Variants in STXBP6 observed in about 807,000 individuals in gnomAD.
STXBP6 encodes the protein syntaxin-binding protein 6.
STXBP6 carries 21 observed loss-of-function variants against 26.9 expected under a neutral mutation model. That is an observed-to-expected ratio of 0.78 (90% CI 0.55 to 1.12). The LOEUF is 1.12. Among genes scored for constraint, STXBP6 ranks in the 50% most tolerant of loss-of-function variants. The pLI is 0.00. For synonymous variants in STXBP6, 97 were observed against 92.6 expected (o/e 1.05, Z -0.27); for missense variants, 232 against 257.9 (o/e 0.90, Z 0.69).
chr14:25,022,711 C>T (rs569873953), intron 1 of STXBP6, among the ~76,000 whole-genome samples: 5 of 152,258 alleles, frequency 3.3e-5, no homozygotes, highest in Admixed American at 3.3e-4. Flanking sequence ...ATCTCTAGTT[C>T]CAATCCTCCT....
At position 24,974,812 on chromosome 14, in the gene STXBP6, C is replaced by T; in HGVS notation, c.7G>A (p.Ala3Thr). Residue 3 changes from alanine to threonine, a missense_variant, in exon 2 of 6, where the codon GCC becomes ACC. By Grantham distance (58) the Ala-to-Thr change is moderately conservative. Coordinates refer to ENST00000323944, the MANE Select transcript of STXBP6 (RefSeq NM_001394410.1). Reference sequence around the variant, plus strand: ...ATTTCCTTGCTGATAGCAGATTTGGCACTCATTGTAGAACAAGTGAGGACA... The same window carrying T: ...ATTTCCTTGCTGATAGCAGATTTGGTACTCATTGTAGAACAAGTGAGGACA... MS[A>T]KSAISKEIFA... 6.2e-7 allele frequency: 1 copy of T among 1,606,998 alleles called. No homozygotes were observed. The highest frequency in any genetic ancestry group is 8.5e-7 in the Non-Finnish European group (1 of 1,176,110).
chr14:25,008,832 ATCTAACAAC>A (rs2074964671), intron 1 of STXBP6, among the ~76,000 whole-genome samples: 1 of 152,254 alleles, frequency 6.6e-6, no homozygotes, highest in South Asian at 2.1e-4. Flanking sequence ...AAGCAGTAGC[ATCTAACAAC>A]TCACAGAAGA....
At chr14:24,814,000 C>A (rs1056158120) in intron 5 of STXBP6, among the ~76,000 whole-genome samples, 1 of 152,178 alleles carries the variant, frequency 6.6e-6, no homozygotes, top group Non-Finnish European at 1.5e-5. Context: ...GCTTGGGAAA[C>A]CTCAGCTGAA....
intron 1 of STXBP6, among the ~76,000 whole-genome samples, chr14:25,043,028 C>T (rs1485967611): frequency 2.6e-5 from 4 of 152,188 alleles, no homozygotes; most frequent in South Asian, 2.1e-4. Flanking sequence ...ACTAAAATGT[C>T]GATCACAGTC....
At chr14:24,978,252 T>C (rs144530821) in intron 1 of STXBP6, among the ~76,000 whole-genome samples, 2 of 152,330 alleles carry the variant, frequency 1.3e-5, no homozygotes, top group African/African-American at 4.8e-5. Context: ...AATCCTGGGA[T>C]CTGTATTTTA....
intron 3 of STXBP6, among the ~76,000 whole-genome samples, chr14:24,856,634 T>C (rs1220643427): frequency 6.6e-6 from 1 of 152,012 alleles, no homozygotes; most frequent in Non-Finnish European, 1.5e-5. Flanking sequence ...TACTGAAAGA[T>C]ACCATTCATT....
intron 1 of STXBP6, among the ~76,000 whole-genome samples, chr14:25,013,936 A>AT (rs1190279444): frequency 2.6e-5 from 4 of 152,062 alleles, no homozygotes; most frequent in East Asian, 1.9e-4. Flanking sequence ...TTGTTAGAGA[A>AT]TTTTTTTAGT....
chr14:24,856,094 G>A lies in STXBP6; in HGVS notation c.293C>T (p.Ala98Val), dbSNP rs2069323594. 2 of 1,593,780 alleles carry A rather than the reference G, an allele frequency of 1.3e-6. No homozygotes were observed. Among genetic ancestry groups the A allele is most frequent in the Non-Finnish European group, 8.5e-7 (1 of 1,172,820 alleles). Residue 98 changes from alanine to valine, a missense_variant, in exon 4 of 6, where the codon GCA becomes GTA. Coordinates refer to ENST00000323944, the MANE Select transcript of STXBP6 (RefSeq NM_001394410.1). ...VNGIDPNGDS[A>V]EFDLLFENAF... ...ATTTTCAAACAACAAATCAAACTCT[G>A]CCGAATCCTGGAAAAGACAATGAAA...
intron 3 of STXBP6, 103 bp downstream of exon 3, chr14:24,856,924 C>A: frequency 7.4e-7 from 1 of 1,357,654 alleles, no homozygotes; most frequent in South Asian, 1.6e-5. Flanking sequence ...AGAGAAATAG[C>A]CTTCTTAAGA....
intron 2 of STXBP6, among the ~76,000 whole-genome samples, chr14:24,955,022 G>T (rs1306528239): frequency 6.6e-6 from 1 of 152,234 alleles, no homozygotes; most frequent in African/African-American, 2.4e-5. Context: ...GAGGGTTGTA[G>T]AAGGATTAAG....
rs898269810 is a variant in STXBP6 at position 24,811,249 on chromosome 14, A to C, written c.*1460T>G. On this transcript the variant is annotated 3_prime_UTR_variant, in exon 6 of 6. Transcript: ENST00000323944. ...TAGGAGAACTTCAGCTATTTAAATC[A>C]GTATTAACAATCCAAAAGTCATCTT... 2 of 152,148 alleles carry C rather than the reference A, an allele frequency of 1.3e-5. No individual in the cohort carries two copies. The highest frequency in any genetic ancestry group is 4.8e-5 in the African/African-American group (2 of 41,436). 9.4% of individuals were successfully genotyped at this position (152,148 alleles called of 1,614,324 possible).
At chr14:24,963,340 G>A (rs1452030832) in intron 2 of STXBP6, among the ~76,000 whole-genome samples, 2 of 152,174 alleles carry the variant, frequency 1.3e-5, no homozygotes, top group African/African-American at 2.4e-5. Flanking sequence ...AAGGAATGAA[G>A]GCCAGGTATA....
intron 2 of STXBP6, among the ~76,000 whole-genome samples, chr14:24,923,451 C>G (rs78344146): frequency 6.6e-6 from 1 of 152,102 alleles, no homozygotes; most frequent in South Asian, 2.1e-4. Flanking sequence ...TGTTTCCTTA[C>G]GAACTTGTCA....
rs2140538659 is a variant in STXBP6, at chr14:25,049,929, G to C, written c.-84C>G. ...GTGCCAGTGCGCGGCACGCGTCCCA[G>C]AGCACGAGGCTCCTCCCCGGGGGGC... On this transcript the variant is annotated 5_prime_UTR_variant, in exon 1 of 6. Transcript: ENST00000323944. This position sits in a 1 kb window ranked among gnomAD's most constrained non-coding sequence, Gnocchi z 5.6. 1 of 965,512 alleles carries C rather than the reference G, an allele frequency of 1.0e-6. No homozygotes were observed. Among genetic ancestry groups the C allele is most frequent in the Non-Finnish European group, 1.2e-6 (1 of 811,966 alleles). 59.8% of individuals were successfully genotyped at this position (965,512 alleles called of 1,614,324 possible).
intron 2 of STXBP6, among the ~76,000 whole-genome samples, chr14:24,950,076 T>C (rs2140049336): frequency 6.6e-6 from 1 of 152,342 alleles, no homozygotes; most frequent in African/African-American, 2.4e-5. Flanking sequence ...AAATTTAGTC[T>C]ATCTAAAATC....
At chr14:24,921,755 C>A (rs1422574510) in intron 2 of STXBP6, among the ~76,000 whole-genome samples, 1 of 152,090 alleles carries the variant, frequency 6.6e-6, no homozygotes, top group East Asian at 1.9e-4. Context: ...AGGAAATTGT[C>A]CCCCTCTGCC....
rs190759168 is a variant in STXBP6 at position 24,812,105 on chromosome 14, C to G, written c.*604G>C. On this transcript the variant is annotated 3_prime_UTR_variant, in exon 6 of 6. Transcript: ENST00000323944. ...ATTCTGATTTTTTTTTTTTTTTGAA[C>G]GCTGGTGATGGTTCATGCAAAAGAT... is the stretch of plus-strand genomic sequence containing the variant. 7.1e-6 allele frequency: 1 copy of G among 141,514 alleles called. No individual in the cohort carries two copies. Among genetic ancestry groups the G allele is most frequent in the Non-Finnish European group, 1.5e-5 (1 of 65,996 alleles). The allele number at this position is 141,514 out of a possible 1,614,324, so 8.8% of individuals were successfully genotyped here. A position where few individuals can be genotyped will look rare whatever the true frequency, so the allele number is the denominator to read the frequency against.
chr14:24,972,868 G>C (rs1050664174), intron 2 of STXBP6, among the ~76,000 whole-genome samples: 3 of 152,044 alleles, frequency 2.0e-5, no homozygotes, highest in African/African-American at 7.2e-5. Flanking sequence ...TGTAATCCCA[G>C]CACTTTGGGA....
At chr14:24,924,992 C>G (rs1030166711) in intron 2 of STXBP6, among the ~76,000 whole-genome samples, 2 of 152,202 alleles carry the variant, frequency 1.3e-5, no homozygotes, top group African/African-American at 4.8e-5. Context: ...TCAAGATACT[C>G]TTCTACCCAC....
Sources: allele counts gnomAD v4.1 joint callset (sites outside exome capture counted in the v4.1 genomes callset), GRCh38; gene constraint gnomAD v4.1.1; non-coding constraint Gnocchi (gnomAD v3.1); transcripts MANE v1.5; gene names NCBI Gene and HGNC (gene_info 2026-07-23, HGNC 2026-07-21).